Variants in HEATR4 observed in about 807,000 individuals in gnomAD.
HEATR4 encodes the protein HEAT repeat-containing protein 4.
In HEATR4, 95 loss-of-function variants were observed where a neutral mutation model predicts 108.8. That is an observed-to-expected ratio of 0.87 (90% confidence interval 0.74 to 1.04). The LOEUF (loss-of-function observed/expected upper bound fraction) is 1.04, where lower values mean the gene tolerates loss of function less well. HEATR4 is among the 50% of genes least tolerant of loss of function. The pLI, the probability that HEATR4 is intolerant of heterozygous loss-of-function variation, is 0.00. For synonymous variants in HEATR4, 443 were observed against 459.4 expected, an observed-to-expected ratio of 0.96 and a Z score of 0.46; for missense variants, 1,152 against 1,253.8, an observed-to-expected ratio of 0.92 and a Z score of 1.23.
the HEATR4 span, among the ~76,000 whole-genome samples, chr14:73,589,542 C>T: frequency 6.6e-6 from 1 of 152,138 alleles, no homozygotes; most frequent in East Asian, 1.9e-4. Context: ...TCGTCTAGAT[C>T]TCCCAACCTC....
the HEATR4 span, among the ~76,000 whole-genome samples, chr14:73,623,027 A>G: frequency 6.6e-6 from 1 of 151,988 alleles, no homozygotes; most frequent in African/African-American, 2.4e-5. Flanking sequence ...CTCCTGCCTC[A>G]GCCTCCCTGT....
rs895087160 is a variant in HEATR4 at position 73,478,810 on chromosome 14, T to C, written c.2877A>G (p.Leu959=). 6.2e-7 allele frequency: 1 copy of C among 1,610,458 alleles called. No homozygotes were observed. The highest frequency in any genetic ancestry group is 1.7e-5 in the Admixed American group (1 of 58,922). ...TGGTTAGGCCTGGGACTGAACTTTGTAACCAGGGATTTGGTGCGCGGGGCT... is the reference window on the plus strand; with the variant it reads ...TGGTTAGGCCTGGGACTGAACTTTGCAACCAGGGATTTGGTGCGCGGGGCT... The part of the protein sequence containing the change: ...PVKPRAPNPW[L]QSSVPGLTTR... The change falls in exon 18 of 18, where the codon TTA becomes TTG. Residue 959 remains leucine (L), a synonymous_variant. Coordinates refer to ENST00000553558, the MANE Select transcript of HEATR4 (RefSeq NM_001220484.1).
chr14:73,499,824 T>A (rs1886329266), intron 12 of HEATR4, among the ~76,000 whole-genome samples: 1 of 152,054 alleles, frequency 6.6e-6, no homozygotes, highest in South Asian at 2.1e-4. Context: ...GATTCAGGGG[T>A]GTGCTCTAGA....
At chr14:73,570,222 G>A in the HEATR4 span, among the ~76,000 whole-genome samples, 1 of 151,728 alleles carries the variant, frequency 6.6e-6, no homozygotes, top group African/African-American at 2.4e-5. Flanking sequence ...GATTGGGGAA[G>A]TGTCCCTGCC....
At chr14:73,595,769 G>A in the HEATR4 span, 3 of 1,271,700 alleles carry the variant, frequency 2.4e-6, no homozygotes, top group African/African-American at 1.5e-5. Context: ...GTCATTAATG[G>A]TGTATTTTAC....
chr14:73,540,303 A>G (rs1316670454), intron 1 of HEATR4, among the ~76,000 whole-genome samples: 8 of 151,344 alleles, frequency 5.3e-5, no homozygotes, highest in African/African-American at 1.9e-4. Flanking sequence ...AAAAAGAGCA[A>G]AGTCAACTGG....
rs774040822 is a variant in HEATR4 at position 73,520,861 on chromosome 14, TCTC to T, written c.1057_1059del (p.Glu353del). On this transcript the variant is annotated inframe_deletion, in exon 4 of 18. Transcript: ENST00000553558. ...GGCCCAGCTCTATTACCAAAGTAAA[TCTC>T]CTGTTCAAAGGTGTTGTCTGTGGAG... The T allele has an allele frequency of 1.9e-6, 3 of 1,613,596 alleles. No individual in the cohort carries two copies. The highest frequency in any genetic ancestry group is 1.6e-4 in the Middle Eastern group (1 of 6,080).
At chr14:73,574,893 T>C in the HEATR4 span, 2 of 1,613,242 alleles carry the variant, frequency 1.2e-6, no homozygotes, top group South Asian at 1.1e-5. Context: ...TCTTTTTCCT[T>C]TGTCCCTTTC....
the HEATR4 span, among the ~76,000 whole-genome samples, chr14:73,609,646 T>G: frequency 6.6e-6 from 1 of 152,146 alleles, no homozygotes; most frequent in African/African-American, 2.4e-5. Context: ...TTATTTTATT[T>G]TATTTTATTT....
At chr14:73,529,336 C>G (rs1473679065) in intron 2 of HEATR4, 1 of 118,018 alleles carries the variant, frequency 8.5e-6, no homozygotes, top group Admixed American at 1.2e-4. Flanking sequence ...GCCTGGGCAA[C>G]AGAGTGAGAC....
chr14:73,616,407 T>C, the HEATR4 span, among the ~76,000 whole-genome samples: 1 of 151,876 alleles, frequency 6.6e-6, no homozygotes, highest in Non-Finnish European at 1.5e-5. Flanking sequence ...ATTAAAAAGT[T>C]TTAGGCCGGT....
At chr14:73,610,815 G>A in the HEATR4 span, 2 of 152,202 alleles carry the variant, frequency 1.3e-5, no homozygotes, top group East Asian at 3.9e-4. Flanking sequence ...GAGAGGGACG[G>A]ACTGGCTGGA....
chr14:73,614,026 C>CAA, the HEATR4 span, among the ~76,000 whole-genome samples: 4,647 of 92,604 alleles, frequency 0.05, 203 homozygotes, highest in South Asian at 0.096. Flanking sequence ...TCTGTCTCTA[C>CAA]AAAAAAAAAA....
chr14:73,597,591 C>CTTTTTTTT, the HEATR4 span, among the ~76,000 whole-genome samples: 15 of 98,206 alleles, frequency 1.5e-4, no homozygotes, highest in Non-Finnish European at 1.8e-4. Flanking sequence ...TTTTTCTTTT[C>CTTTTTTTT]TTTTTTTTTT....
rs1325741234 is a variant in HEATR4 at position 73,492,212 on chromosome 14, T to C, written c.2844+854A>G. On this transcript the variant is annotated intron_variant, in intron 17 of 17. Transcript: ENST00000553558. The surrounding 1 kb of genome is among the most constrained non-coding windows in gnomAD (Gnocchi z 4.9). ...GCTGGAACCTGGAGATTTGCTGTATTTTCCTCGGGGCTTCATTCACCAAGC... is the reference window on the plus strand; with the variant it reads ...GCTGGAACCTGGAGATTTGCTGTATCTTCCTCGGGGCTTCATTCACCAAGC... 6.2e-7 allele frequency: 1 copy of C among 1,613,870 alleles called. No individual in the cohort carries two copies. The highest frequency in any genetic ancestry group is 2.2e-5 in the East Asian group (1 of 44,900).
At chr14:73,522,166 T>C (rs1260575723) in intron 3 of HEATR4, 106 bp downstream of exon 3, 1 of 1,181,898 alleles carries the variant, frequency 8.5e-7, no homozygotes, top group African/African-American at 1.5e-5. Context: ...GAACATGAAG[T>C]TGATGGGAGA....
At chr14:73,587,918 C>T in the HEATR4 span, among the ~76,000 whole-genome samples, 3 of 152,114 alleles carry the variant, frequency 2.0e-5, no homozygotes, top group Non-Finnish European at 4.4e-5. Context: ...ACACAGTCTT[C>T]TTAAAGTCAG....
chr14:73,532,870 G>A lies in HEATR4; in HGVS notation c.-151-2626C>T, dbSNP rs1332007088. On this transcript the variant is annotated intron_variant, in intron 1 of 17. Transcript: ENST00000553558. ...ACTTGGAGGCTGAGGCAGGAGAATG[G>A]CGTGAACCCAGGTGGTGGAGCTTTC... 1.8e-5 allele frequency among the ~76,000 whole-genome samples: 2 copies of A among 113,620 alleles called. 1 individual carries two copies. The highest frequency in any genetic ancestry group is 5.7e-5 in the African/African-American group (2 of 34,888). 74.5% of individuals were successfully genotyped at this position (113,620 alleles called of 152,430 possible).
the HEATR4 span, among the ~76,000 whole-genome samples, chr14:73,630,609 G>A: frequency 1.3e-5 from 2 of 152,126 alleles, no homozygotes; most frequent in South Asian, 4.1e-4. Flanking sequence ...CTGGGTGTGG[G>A]GCATGCCGGT....
Sources: gnomAD v4.1 joint callset for allele counts (sites outside exome capture counted in the v4.1 genomes callset) on GRCh38, gnomAD v4.1.1 for gene constraint, Gnocchi (gnomAD v3.1) non-coding constraint, MANE v1.5 for transcripts, NCBI Gene and HGNC (gene_info 2026-07-23, HGNC 2026-07-21) for gene names.